The following CR1 variants were observed in gnomAD, a reference collection of about 807,000 sequenced individuals.
CR1 encodes complement receptor type 1.
CR1 carries 116 observed loss-of-function variants against 187.3 expected under a neutral mutation model. The ratio of observed to expected loss-of-function variants is 0.62; its 90% CI spans 0.53 to 0.72. The LOEUF (loss-of-function observed/expected upper bound fraction) is 0.72. CR1 is among the 30% of genes least tolerant of loss of function. CR1 has a pLI of 0.00. For missense variants in CR1, 1,731 were observed against 2,110.7 expected (o/e 0.82, Z 3.52); for synonymous variants, 576 against 747.1 (o/e 0.77, Z 3.73).
At chr1:207,608,797 AT>A (rs1437673355) in intron 36 of CR1, among the ~76,000 whole-genome samples, 1 of 152,184 alleles carries the variant, frequency 6.6e-6, no homozygotes, top group East Asian at 1.9e-4. Flanking sequence ...ATATGTGAAT[AT>A]TATTATCTTA....
At chr1:207,616,864 T>C (rs1662115926) in intron 41 of CR1, 62 bp downstream of exon 41, 2 of 1,569,008 alleles carry the variant, frequency 1.3e-6, no homozygotes, top group South Asian at 2.4e-5. Context: ...AACCTCCATA[T>C]TTCTATAGTG....
chr1:207,613,612 T>C (rs1409915461), intron 39 of CR1, among the ~76,000 whole-genome samples: 1 of 152,074 alleles, frequency 6.6e-6, no homozygotes. Flanking sequence ...CAGTTTCAAG[T>C]GGTATTATTA....
intron 28 of CR1, among the ~76,000 whole-genome samples, chr1:207,577,208 G>A (rs565179017): frequency 2.9e-4 from 44 of 151,322 alleles, no homozygotes; most frequent in Non-Finnish European, 4.9e-4. Flanking sequence ...CTGAGATCAC[G>A]CCACTGCACT....
At chr1:207,592,917 C>A (rs1661315731) in intron 35 of CR1, among the ~76,000 whole-genome samples, 1 of 151,928 alleles carries the variant, frequency 6.6e-6, no homozygotes, top group Admixed American at 6.6e-5. Flanking sequence ...AGGAGAACTA[C>A]AAACCACTGC....
At position 207,616,671 on chromosome 1, in the gene CR1, G is replaced by A; in HGVS notation, c.6758G>A (p.Cys2253Tyr). Residue 2253 changes from cysteine (C) to tyrosine (Y), a missense_variant, in exon 41 of 47, where the codon TGC (cysteine) becomes TAC (tyrosine). Cys to Tyr is a radical substitution (Grantham distance 194, BLOSUM62 -2). Transcript: ENST00000367049. ...IPYGKEISYA[C>Y]DTHPDRGMTF... ...TATGGAAAAGAAATATCTTACGCATGCGACACCCACCCAGACAGAGGGATG... is the reference window on the plus strand; with the variant it reads ...TATGGAAAAGAAATATCTTACGCATACGACACCCACCCAGACAGAGGGATG... 1 of 1,613,954 alleles carries A rather than the reference G, an allele frequency of 6.2e-7. No individual in the cohort carries two copies. The highest frequency in any genetic ancestry group is 1.1e-5 in the South Asian group (1 of 91,074).
chr1:207,634,002 G>A (rs888097022), intron 46 of CR1, among the ~76,000 whole-genome samples: 1 of 152,152 alleles, frequency 6.6e-6, no homozygotes, highest in African/African-American at 2.4e-5. Context: ...GCCAGGAAAA[G>A]GACTTTCACA....
chr1:207,588,576 G>T, intron 34 of CR1, 99 bp from the exon 35 acceptor site: 1 of 750,048 alleles, frequency 1.3e-6, no homozygotes, highest in Non-Finnish European at 2.3e-6. Context: ...TGAAACAATT[G>T]GAACTGTATA....
chr1:207,514,988 TATATATAC>T (rs1219721018), intron 4 of CR1, among the ~76,000 whole-genome samples: 1 of 127,516 alleles, frequency 7.8e-6, no homozygotes, highest in African/African-American at 3.3e-5. Flanking sequence ...AACATATATA[TATATATAC>T]ACACACACAC....
intron 40 of CR1, among the ~76,000 whole-genome samples, chr1:207,616,295 T>A (rs1013048186): frequency 4.6e-5 from 7 of 152,018 alleles, no homozygotes; most frequent in Admixed American, 1.3e-4. Flanking sequence ...TGGGTGTTTT[T>A]AAAAAAAATA....
chr1:207,573,840 A>C (rs1218413628), intron 27 of CR1, among the ~76,000 whole-genome samples: 1 of 152,206 alleles, frequency 6.6e-6, no homozygotes, highest in East Asian at 1.9e-4. Context: ...AAAGATGAAA[A>C]GGAGAAGACA....
intron 35 of CR1, among the ~76,000 whole-genome samples, chr1:207,595,141 GAA>G (rs76679590): frequency 6.5e-5 from 6 of 92,848 alleles, no homozygotes; most frequent in Non-Finnish European, 9.4e-5. Flanking sequence ...CCAACCCCCG[GAA>G]AAAAAAAAAA....
At chr1:207,580,216 A>G (rs376399475) in intron 29 of CR1, 24 bp from the exon 30 acceptor site, 53 of 1,611,142 alleles carry the variant, frequency 3.3e-5, no homozygotes, top group Non-Finnish European at 4.1e-5. Context: ...ACTAACAAGT[A>G]CTCTGGAACT....
chr1:207,567,679 C>G, intron 24 of CR1, 145 bp from the exon 25 acceptor site: 5 of 1,199,170 alleles, frequency 4.2e-6, no homozygotes, highest in Non-Finnish European at 4.7e-6. Context: ...ATTGACATCT[C>G]ATTTAATCCA....
At chr1:207,505,746 C>T (rs1233083793) in intron 1 of CR1, among the ~76,000 whole-genome samples, 158 bp from the exon 2 acceptor site, 1 of 151,826 alleles carries the variant, frequency 6.6e-6, no homozygotes, top group Non-Finnish European at 1.5e-5. Context: ...GAGGTAAGGA[C>T]AATTGCTTGA....
At chr1:207,578,268 G>T (rs1211244342) in intron 29 of CR1, 65 bp downstream of exon 29, 9 of 1,611,426 alleles carry the variant, frequency 5.6e-6, no homozygotes, top group African/African-American at 2.7e-5. Context: ...ATCAGGAGAT[G>T]AGTATTTGTT....
rs1211344955 is a variant in CR1 at position 207,523,814 on chromosome 1, C to T, written c.691C>T (p.Gln231Ter). 8 of 1,611,744 alleles carry T rather than the reference C, an allele frequency of 5.0e-6. No individual in the cohort carries two copies. Among genetic ancestry groups the T allele is most frequent in the Non-Finnish European group, 6.8e-6 (8 of 1,179,740 alleles). Reference sequence around the variant, plus strand: ...GGGCATCTGGAGCGGCCCCGCCCCTCAGTGCATTATACCTAACAAATGCAC... The same window carrying T: ...GGGCATCTGGAGCGGCCCCGCCCCTTAGTGCATTATACCTAACAAATGCAC... ...QVGIWSGPAP[Q>*]CIIPNKCTPP... The change falls in exon 5 of 47, where the codon CAG becomes TAG. Residue 231 changes from glutamine (Q) to a stop codon, truncating the protein, a stop_gained. Transcript: ENST00000367049. LOFTEE classifies it high-confidence loss of function.
intron 42 of CR1, 116 bp downstream of exon 42, chr1:207,618,363 C>T (rs543102440): frequency 1.7e-4 from 158 of 907,792 alleles, no homozygotes; most frequent in Middle Eastern, 3.6e-4. Flanking sequence ...TTTTTCTTCT[C>T]GGCAACTGCT....
At chr1:207,524,940 C>T (rs12729137) in intron 5 of CR1, among the ~76,000 whole-genome samples, 15 of 152,104 alleles carry the variant, frequency 9.9e-5, no homozygotes, top group East Asian at 9.6e-4. Flanking sequence ...AGAAAAGATG[C>T]TTACTTGACT....
rs558163359 is a variant in CR1 at position 207,603,182 on chromosome 1, T to C, written c.5811-4069T>C. Among the ~76,000 whole-genome samples the C allele has an allele frequency of 1.1e-4, 16 of 152,170 alleles. No individual in the cohort carries two copies. The South Asian group carries it at 3.3e-3, about 32-fold the overall frequency. On this transcript the variant is annotated intron_variant, in intron 35 of 46. Transcript: ENST00000367049. Reference sequence around the variant, plus strand: ...TTCTGAGATAATAACAAGAAGGGTGTTTGATACCAGATCAGAGGTGGGTTT... The same window carrying C: ...TTCTGAGATAATAACAAGAAGGGTGCTTGATACCAGATCAGAGGTGGGTTT...
Sources: gnomAD v4.1 joint callset for allele counts (sites outside exome capture counted in the v4.1 genomes callset) on GRCh38, gnomAD v4.1.1 for gene constraint, MANE v1.5 for transcripts, NCBI Gene and HGNC (gene_info 2026-07-23, HGNC 2026-07-21) for gene names.